GID8: variants seen among roughly 807,000 people sequenced by gnomAD.
GID8 encodes the protein glucose-induced degradation protein 8 homolog.
A neutral mutation model predicts 27.4 loss-of-function variants in GID8; 6 were observed. The observed-to-expected ratio is 0.22, with a 90% CI of 0.12 to 0.43. The LOEUF is 0.43. Ranked by LOEUF, GID8 falls within the 20% of genes least tolerant of loss-of-function variation. GID8 has a pLI of 1.00. For synonymous variants in GID8, 112 were observed against 109.0 expected, an observed-to-expected ratio of 1.03 and a Z score of -0.17; for missense variants, 173 against 287.6, an observed-to-expected ratio of 0.60 and a Z score of 2.88.
rs115641380 is a variant in GID8, at chr20:62,945,997, T to C, written c.*1085T>C. On this transcript the variant is annotated 3_prime_UTR_variant, in exon 5 of 5. Coordinates refer to ENST00000266069, the MANE Select transcript of GID8 (RefSeq NM_017896.3). The stretch of plus-strand genomic sequence containing the variant: ...TCCGTGGTGGGCAGGAGGGAAGTGG[T>C]GCAGGGCTGCGTGCATTGCCTGCGA... 2,717 of 1,289,426 alleles carry C rather than the reference T, an allele frequency of 2.1e-3. 45 individuals carry two copies. The African/African-American group carries it at 0.038, about 18-fold the overall frequency. 79.9% of individuals were successfully genotyped at this position (1,289,426 alleles called of 1,614,324 possible).
chr20:62,938,962 A>T (rs1409818372), intron 1 of GID8: 2 of 152,096 alleles, frequency 1.3e-5, no homozygotes, highest in South Asian at 4.1e-4. Flanking sequence ...TGCTAAAAAT[A>T]AAAAAATTAG....
Position 62,943,468 on chromosome 20 carries a change from G to T in GID8, c.316-27G>T, listed in dbSNP as rs1412026948. The T allele has an allele frequency of 6.2e-7, 1 of 1,606,882 alleles. No homozygotes were observed. Among genetic ancestry groups the T allele is most frequent in the East Asian group, 2.2e-5 (1 of 44,844 alleles). On this transcript the variant is annotated intron_variant, in intron 3 of 4. Transcript: ENST00000266069. The surrounding 1 kb of genome is among the most constrained non-coding windows in gnomAD (Gnocchi z 4.7). Reference sequence around the variant, plus strand: ...AAGTCCCTGGCCTGGGTGTGTGGGGGTCAAGCTTGTCTGTCTCTGCCTCCA... The same window carrying T: ...AAGTCCCTGGCCTGGGTGTGTGGGGTTCAAGCTTGTCTGTCTCTGCCTCCA...
In GID8 at chr20:62,947,948, T is replaced by C. The variant is rs1392010585; in HGVS notation, c.*3036T>C. The C allele has an allele frequency of 1.3e-5, 2 of 152,242 alleles. No individual in the cohort carries two copies. The highest frequency in any genetic ancestry group is 4.8e-5 in the African/African-American group (2 of 41,462). The allele number at this position is 152,242 out of a possible 1,614,324, so 9.4% of individuals were successfully genotyped here. A position where few individuals can be genotyped will look rare whatever the true frequency, so the allele number is the denominator to read the frequency against. ...TCCAGAAAGAATCTTACACATGTGT[T>C]GAAGACATTGATGTCATAGGGAGCG... On this transcript the variant is annotated 3_prime_UTR_variant, in exon 5 of 5. Transcript: ENST00000266069.
Position 62,945,218 on chromosome 20 carries a change from T to C in GID8, c.*306T>C. 8.7e-7 allele frequency: 1 copy of C among 1,145,112 alleles called. No individual in the cohort carries two copies. The highest frequency in any genetic ancestry group is 1.1e-6 in the Non-Finnish European group (1 of 927,110). The allele number at this position is 1,145,112 out of a possible 1,614,324, so 70.9% of individuals were successfully genotyped here. A position where few individuals can be genotyped will look rare whatever the true frequency, so the allele number is the denominator to read the frequency against. On this transcript the variant is annotated 3_prime_UTR_variant, in exon 5 of 5. Coordinates refer to ENST00000266069, the MANE Select transcript of GID8 (RefSeq NM_017896.3). ...CCTCTGGCTGCTGAAGGATTCGGTC[T>C]ACCACGGAGGGCTGTGCTGTTAGGC...
Position 62,943,231 on chromosome 20 carries a change from AAAG to A in GID8, c.315+49_315+51del. 2 of 1,378,568 alleles carry A rather than the reference AAAG, an allele frequency of 1.5e-6. No homozygotes were observed. Among genetic ancestry groups the A allele is most frequent in the African/African-American group, 1.5e-5 (1 of 67,596 alleles). The allele number at this position is 1,378,568 out of a possible 1,614,324, so 85.4% of individuals were successfully genotyped here. Reference sequence around the variant, plus strand: ...CTGGTTTGTGAATACTTGATAAGTTAAAGTTATTTGCAATGATTGAGAAATAAC... The same window carrying A: ...CTGGTTTGTGAATACTTGATAAGTTATTATTTGCAATGATTGAGAAATAAC... On this transcript the variant is annotated intron_variant, in intron 3 of 4. Transcript: ENST00000266069. This position sits in a 1 kb window ranked among gnomAD's most constrained non-coding sequence, Gnocchi z 4.7.
intron 1 of GID8, among the ~76,000 whole-genome samples, chr20:62,940,658 T>A (rs963475060): frequency 6.6e-6 from 1 of 152,218 alleles, no homozygotes; most frequent in Non-Finnish European, 1.5e-5. Context: ...CGCAACTCTC[T>A]TTTTTCATTC....
Position 62,943,082 on chromosome 20 carries a change from G to C in GID8, c.214G>C (p.Glu72Gln), listed in dbSNP as rs376547637. Reference sequence around the variant, plus strand: ...ACTTGATGAACGAATCAAGATCCGGGAGATGATACTGAAAGGTCAGATTCA... The same window carrying C: ...ACTTGATGAACGAATCAAGATCCGGCAGATGATACTGAAAGGTCAGATTCA... The part of the protein sequence containing the change: ...ETLDERIKIR[E>Q]MILKGQIQEA... Residue 72 changes from glutamate (E) to glutamine (Q), a missense_variant, in exon 3 of 5, where the codon GAG (glutamate) becomes CAG (glutamine). By Grantham distance (29) the Glu-to-Gln change is conservative (BLOSUM62 2). Transcript: ENST00000266069. The surrounding 1 kb of genome is among the most constrained non-coding windows in gnomAD (Gnocchi z 4.7). The C allele has an allele frequency of 6.2e-7, 1 of 1,613,884 alleles. No homozygotes were observed. Among genetic ancestry groups the C allele is most frequent in the Non-Finnish European group, 8.5e-7 (1 of 1,179,856 alleles).
In GID8 at chr20:62,943,132, C is replaced by T; in HGVS notation, c.264C>T (p.Ser88=). 6.2e-7 allele frequency: 1 copy of T among 1,614,092 alleles called. No individual in the cohort carries two copies. The highest frequency in any genetic ancestry group is 8.5e-7 in the Non-Finnish European group (1 of 1,179,922). The part of the protein sequence containing the change: ...QIQEAIALIN[S]LHPELLDTNR... ...AGGAGGCCATCGCCTTGATCAACAG[C>T]CTCCACCCAGAGCTCTTGGACACAA... Residue 88 remains serine (S), a synonymous_variant, in exon 3 of 5, where the codon AGC becomes AGT. Transcript: ENST00000266069. The surrounding 1 kb of genome is among the most constrained non-coding windows in gnomAD (Gnocchi z 4.7).
intron 1 of GID8, 137 bp from the exon 2 acceptor site, chr20:62,941,354 G>T (rs1213619839): frequency 3.3e-6 from 2 of 609,670 alleles, no homozygotes; most frequent in Non-Finnish European, 3.0e-6. Context: ...TCTCAGTCTG[G>T]TGGGTGTCCC....
At chr20:62,939,920 C>T (rs1220560969) in intron 1 of GID8, among the ~76,000 whole-genome samples, 4 of 152,172 alleles carry the variant, frequency 2.6e-5, no homozygotes, top group South Asian at 2.1e-4. Context: ...TGGACGGTGG[C>T]GTGCCCCTGC....
In GID8 at chr20:62,942,969, G is replaced by C. The variant is rs2065449952; in HGVS notation, c.119-18G>C. 1 of 1,594,232 alleles carries C rather than the reference G, an allele frequency of 6.3e-7. No homozygotes were observed. The highest frequency in any genetic ancestry group is 2.2e-5 in the East Asian group (1 of 44,556). On this transcript the variant is annotated intron_variant, in intron 2 of 4. Transcript: ENST00000266069. ...CCTTGCTAACTTTCCTAGCAGTGAA[G>C]ATGGTTTTTCTATTCAGAGGGCTTT...
chr20:62,940,510 C>T (rs1457744965), intron 1 of GID8, among the ~76,000 whole-genome samples: 4 of 152,138 alleles, frequency 2.6e-5, no homozygotes, highest in African/African-American at 4.8e-5. Context: ...CCACCGAGCA[C>T]GGCTAATTTT....
intron 1 of GID8, 136 bp from the exon 2 acceptor site, chr20:62,941,355 T>C: frequency 1.6e-6 from 1 of 610,586 alleles, no homozygotes; most frequent in South Asian, 1.9e-5. Context: ...CTCAGTCTGG[T>C]GGGTGTCCCA....
chr20:62,943,584 G>T lies in GID8; in HGVS notation c.405G>T (p.Glu135Asp), dbSNP rs773751447. ...CTCAGCTGGCGGAGCAGGGCGAGGA[G>T]AGCCGAGAGTGCCTCACAGAGATGG... ...AQTQLAEQGE[E>D]SRECLTEMER... Residue 135 changes from glutamate (E) to aspartate (D), a missense_variant, in exon 4 of 5, where the codon GAG becomes GAT. Glu to Asp is a conservative substitution (Grantham distance 45). Transcript: ENST00000266069. The surrounding 1 kb of genome is among the most constrained non-coding windows in gnomAD (Gnocchi z 4.7). 1.9e-6 allele frequency: 3 copies of T among 1,613,690 alleles called. No individual in the cohort carries two copies. The highest frequency in any genetic ancestry group is 1.7e-4 in the Middle Eastern group (1 of 5,972).
rs1413646647 is a variant in GID8 at position 62,946,515 on chromosome 20, C to T, written c.*1603C>T. On this transcript the variant is annotated 3_prime_UTR_variant, in exon 5 of 5. Transcript: ENST00000266069. Reference sequence around the variant, plus strand: ...GGGTAGGAGCTTTTGGCAGTGTTTACTTTACCTAGATGGCTTATATAATCC... The same window carrying T: ...GGGTAGGAGCTTTTGGCAGTGTTTATTTTACCTAGATGGCTTATATAATCC... The T allele has an allele frequency of 6.5e-6, 1 of 154,634 alleles. No homozygotes were observed. The highest frequency in any genetic ancestry group is 2.4e-5 in the African/African-American group (1 of 41,454). 9.6% of individuals were successfully genotyped at this position (154,634 alleles called of 1,614,324 possible).
Position 62,941,541 on chromosome 20 carries a change from T to G in GID8, c.39T>G (p.Asp13Glu), listed in dbSNP as rs746614662. Residue 13 changes from aspartate to glutamate, a missense_variant, in exon 2 of 5, where the codon GAT becomes GAG. Transcript: ENST00000266069. ...AAAAACCCGATGAAATCACGAAAGA[T>G]GAGTGGATGGAAAAGCTCAATAACT... ...YAEKPDEITK[D>E]EWMEKLNNLH... 3 of 1,612,856 alleles carry G rather than the reference T, an allele frequency of 1.9e-6. No homozygotes were observed. The African/African-American group carries it at 4.0e-5, about 22-fold the overall frequency.
At chr20:62,939,909 G>C (rs60823087) in intron 1 of GID8, among the ~76,000 whole-genome samples, 1,813 of 152,290 alleles carry the variant, frequency 0.012, 43 homozygotes, top group African/African-American at 0.042. Context: ...GAAAGACAGA[G>C]TGGACGGTGG....
rs2065459241 is a variant in GID8 at position 62,944,918 on chromosome 20, G to A, written c.*6G>A. 1.9e-6 allele frequency: 3 copies of A among 1,606,428 alleles called. No individual in the cohort carries two copies. Among genetic ancestry groups the A allele is most frequent in the Admixed American group, 3.4e-5 (2 of 59,142 alleles). ...TGATTGAGGAGCCCAAGTAGCGCCT[G>A]CGCTTGCGTGGTGGATCCAACACCA... On this transcript the variant is annotated 3_prime_UTR_variant, in exon 5 of 5. Coordinates refer to ENST00000266069, the MANE Select transcript of GID8 (RefSeq NM_017896.3).
At chr20:62,940,923 T>C (rs2065440360) in intron 1 of GID8, among the ~76,000 whole-genome samples, 1 of 152,270 alleles carries the variant, frequency 6.6e-6, no homozygotes, top group South Asian at 2.1e-4. Flanking sequence ...AAATAACGTC[T>C]GATGATGGGG....
Sources: gnomAD v4.1 joint callset for allele counts (sites outside exome capture counted in the v4.1 genomes callset) on GRCh38, gnomAD v4.1.1 for gene constraint, Gnocchi (gnomAD v3.1) non-coding constraint, MANE v1.5 for transcripts, NCBI Gene and HGNC (gene_info 2026-07-23, HGNC 2026-07-21) for gene names.